Variants in PTPRT observed in about 807,000 individuals in gnomAD.
PTPRT encodes receptor-type tyrosine-protein phosphatase T.
A neutral mutation model predicts 176.8 loss-of-function variants in PTPRT; 56 were observed. The ratio of observed to expected loss-of-function variants is 0.32; its 90% CI spans 0.26 to 0.40. The LOEUF (loss-of-function observed/expected upper bound fraction) is 0.40, where lower values mean the gene tolerates loss of function less well. Among genes scored for constraint, PTPRT ranks in the 10% least tolerant of loss-of-function variants. PTPRT has a pLI of 1.00. For missense variants in PTPRT, 1,540 were observed against 1,908.2 expected, an observed-to-expected ratio of 0.81 and a Z score of 3.60; for synonymous variants, 783 against 739.0, an observed-to-expected ratio of 1.06 and a Z score of -0.96.
chr20:42,999,398 T>C (rs1352446920), intron 1 of PTPRT, among the ~76,000 whole-genome samples: 2 of 150,808 alleles, frequency 1.3e-5, no homozygotes, highest in South Asian at 2.1e-4. Context: ...TTAACTTTTG[T>C]AATTTAAATT....
intron 7 of PTPRT, among the ~76,000 whole-genome samples, chr20:42,473,767 G>A (rs1480255704): frequency 6.6e-6 from 1 of 152,166 alleles, no homozygotes; most frequent in South Asian, 2.1e-4. Flanking sequence ...CATCCACCAT[G>A]CCTGGCTCTT....
chr20:42,838,451 C>T (rs368047748), intron 2 of PTPRT, among the ~76,000 whole-genome samples: 21 of 152,266 alleles, frequency 1.4e-4, no homozygotes, highest in East Asian at 1.4e-3. Context: ...CAGGCTGGAA[C>T]GGGGATCTGG....
intron 2 of PTPRT, among the ~76,000 whole-genome samples, chr20:42,853,951 G>A (rs1216798894): frequency 6.6e-6 from 1 of 152,182 alleles, no homozygotes; most frequent in African/African-American, 2.4e-5. Context: ...GGACCAGATG[G>A]AAAATGGGCT....
intron 1 of PTPRT, among the ~76,000 whole-genome samples, chr20:43,174,455 T>G (rs770341310): frequency 3.3e-5 from 5 of 152,204 alleles, no homozygotes; most frequent in Non-Finnish European, 7.3e-5. Context: ...TCTCCTGCAT[T>G]TATTCCTCCG....
chr20:42,345,110 A>G (rs556421743), intron 11 of PTPRT, among the ~76,000 whole-genome samples: 1 of 152,048 alleles, frequency 6.6e-6, no homozygotes, highest in Non-Finnish European at 1.5e-5. Flanking sequence ...TCTTTTTCTG[A>G]TTGTCTTTCC....
At chr20:42,234,772 T>C (rs1176446165) in intron 15 of PTPRT, among the ~76,000 whole-genome samples, 1 of 152,240 alleles carries the variant, frequency 6.6e-6, no homozygotes, top group Non-Finnish European at 1.5e-5. Context: ...GAATAAGTGA[T>C]CTGGTACTTC....
chr20:42,365,806 G>A (rs908189034), intron 9 of PTPRT, among the ~76,000 whole-genome samples: 3 of 152,288 alleles, frequency 2.0e-5, no homozygotes, highest in South Asian at 2.1e-4. Flanking sequence ...AAGCAGTAAC[G>A]GCCCTGAGCC....
At chr20:42,450,898 C>G (rs1397452060) in intron 8 of PTPRT, among the ~76,000 whole-genome samples, 5 of 152,106 alleles carry the variant, frequency 3.3e-5, no homozygotes, top group Non-Finnish European at 2.9e-5. Context: ...AATCAGGACT[C>G]TGACATAAAG....
In PTPRT at chr20:42,253,409, C is replaced by T. The variant is rs1346475350; in HGVS notation, c.2177-4587G>A. Reference sequence around the variant, plus strand: ...TGGAAGCCCTTCAGTGGGATAACACCTGCGTTACTTTTACCCCAAGCATAT... The same window carrying T: ...TGGAAGCCCTTCAGTGGGATAACACTTGCGTTACTTTTACCCCAAGCATAT... On this transcript the variant is annotated intron_variant, in intron 13 of 30. Coordinates refer to ENST00000373187, the MANE Select transcript of PTPRT (RefSeq NM_007050.6). Among the ~76,000 whole-genome samples the T allele has an allele frequency of 3.3e-5, 5 of 152,220 alleles. No individual in the cohort carries two copies. In the East Asian group the frequency reaches 9.6e-4, roughly 29 times the overall value.
chr20:42,792,888 T>C (rs80235163), intron 2 of PTPRT, among the ~76,000 whole-genome samples: 3,533 of 152,154 alleles, frequency 0.023, 133 homozygotes, highest in African/African-American at 0.077. Flanking sequence ...ATGAGAGAGA[T>C]AGAAAGGGAG....
chr20:42,910,181 G>A (rs914265899), intron 1 of PTPRT, among the ~76,000 whole-genome samples: 5 of 152,130 alleles, frequency 3.3e-5, no homozygotes, highest in Non-Finnish European at 7.4e-5. Context: ...CCTGCTGCAC[G>A]CTTGGGAGTT....
chr20:42,771,782 C>A (rs1412388007), intron 4 of PTPRT, among the ~76,000 whole-genome samples: 1 of 152,116 alleles, frequency 6.6e-6, no homozygotes, highest in Non-Finnish European at 1.5e-5. Flanking sequence ...GGGCAGTATC[C>A]CCATTTCACA....
At chr20:43,104,805 G>T (rs1435144051) in intron 1 of PTPRT, among the ~76,000 whole-genome samples, 1 of 152,092 alleles carries the variant, frequency 6.6e-6, no homozygotes, top group Non-Finnish European at 1.5e-5. Context: ...ATAAAATGTG[G>T]GCAACATAAC....
intron 9 of PTPRT, among the ~76,000 whole-genome samples, chr20:42,445,328 T>G (rs143822062): frequency 4.9e-4 from 75 of 152,328 alleles, no homozygotes; most frequent in African/African-American, 1.7e-3. Flanking sequence ...TAATCAGATC[T>G]TCAGAGTAAT....
intron 2 of PTPRT, among the ~76,000 whole-genome samples, chr20:42,883,678 CGG>C (rs2079041152): frequency 3.2e-5 from 3 of 95,204 alleles, no homozygotes; most frequent in African/African-American, 7.7e-5. Context: ...TACAAACACA[CGG>C]ACACACACAC....
At chr20:42,494,412 C>A (rs1286139043) in intron 7 of PTPRT, among the ~76,000 whole-genome samples, 1 of 151,980 alleles carries the variant, frequency 6.6e-6, no homozygotes, top group Non-Finnish European at 1.5e-5. Context: ...ATGGATTTAG[C>A]GGAGGACGGT....
chr20:42,791,167 A>C, intron 3 of PTPRT, 28 bp downstream of exon 3: 1 of 1,538,654 alleles, frequency 6.5e-7, no homozygotes, highest in East Asian at 2.3e-5. Flanking sequence ...CAAATTTTCA[A>C]AAATAAAACC....
chr20:42,414,808 CTAAAT>C (rs1568859100), intron 9 of PTPRT, among the ~76,000 whole-genome samples: 1 of 151,994 alleles, frequency 6.6e-6, no homozygotes, highest in Non-Finnish European at 1.5e-5. Context: ...TCAATTCTTC[CTAAAT>C]TAATCTATAA....
At chr20:42,962,184 T>G (rs1043988629) in intron 1 of PTPRT, among the ~76,000 whole-genome samples, 2 of 152,188 alleles carry the variant, frequency 1.3e-5, no homozygotes, top group Non-Finnish European at 2.9e-5. Context: ...AATGCAAAAT[T>G]AACTCTCAGC....
Sources: allele counts gnomAD v4.1 joint callset (sites outside exome capture counted in the v4.1 genomes callset), GRCh38; gene constraint gnomAD v4.1.1; transcripts MANE v1.5; gene names NCBI Gene and HGNC (gene_info 2026-07-23, HGNC 2026-07-21).